SGCD: variants seen among roughly 807,000 people sequenced by gnomAD.
SGCD encodes delta-sarcoglycan.
In SGCD, 18 loss-of-function variants were observed where a neutral mutation model predicts 36.6. The observed-to-expected ratio is 0.49, with a 90% CI of 0.34 to 0.73. SGCD has a LOEUF of 0.73. Ranked by LOEUF, SGCD falls within the 30% of genes least tolerant of loss-of-function variation. The pLI, the probability that SGCD is intolerant of heterozygous loss-of-function variation, is 0.01. For missense variants in SGCD, 387 were observed against 346.7 expected (o/e 1.12, Z -0.92); for synonymous variants, 133 against 130.6 (o/e 1.02, Z -0.12).
At chr5:155,784,195 C>T in the SGCD span, among the ~76,000 whole-genome samples, 3 of 152,168 alleles carry the variant, frequency 2.0e-5, no homozygotes, top group East Asian at 5.8e-4. Context: ...TTGAGGGTTA[C>T]AGTGTTTTCA....
intron 1 of SGCD, among the ~76,000 whole-genome samples, chr5:156,000,131 G>T (rs1758634700): frequency 6.6e-6 from 1 of 152,194 alleles, no homozygotes; most frequent in Non-Finnish European, 1.5e-5. Context: ...GGCCTTGTGA[G>T]TCCATGTGTG....
Position 156,220,200 on chromosome 5 carries a change from G to A in SGCD, c.-44+96181G>A, listed in dbSNP as rs1448786014. On this transcript the variant is annotated intron_variant, in intron 3 of 9. Coordinates refer to the SGCD transcript ENST00000517913. Reference sequence around the variant, plus strand: ...TTTTGTTTGTTATTTGTTTTGCAAAGTGCTACCTTTATTAATATGTATTTC... The same window carrying A: ...TTTTGTTTGTTATTTGTTTTGCAAAATGCTACCTTTATTAATATGTATTTC... Among the ~76,000 whole-genome samples the A allele has an allele frequency of 2.0e-5, 3 of 152,246 alleles. No homozygotes were observed. In the East Asian group the frequency reaches 5.8e-4, roughly 29 times the overall value.
intron 7 of SGCD, among the ~76,000 whole-genome samples, chr5:156,701,351 TTCCATCTTGAA>T (rs1478846826): frequency 6.6e-6 from 1 of 152,218 alleles, no homozygotes; most frequent in African/African-American, 2.4e-5. Context: ...ATCCTGTTAT[TTCCATCTTGAA>T]AATAATATCC....
At chr5:156,512,168 T>C (rs1178164786) in intron 4 of SGCD, among the ~76,000 whole-genome samples, 1 of 126,544 alleles carries the variant, frequency 7.9e-6, no homozygotes, top group African/African-American at 3.1e-5. Flanking sequence ...CACTCTAGCC[T>C]GGATGACAGT....
At chr5:156,747,709 A>G (rs1045536867) in intron 7 of SGCD, among the ~76,000 whole-genome samples, 5 of 152,068 alleles carry the variant, frequency 3.3e-5, no homozygotes, top group African/African-American at 1.2e-4. Flanking sequence ...TATCCCACTA[A>G]TTTTGCCATA....
intron 1 of SGCD, among the ~76,000 whole-genome samples, chr5:155,931,264 T>G (rs1002078679): frequency 6.6e-6 from 1 of 152,168 alleles, no homozygotes; most frequent in Non-Finnish European, 1.5e-5. Context: ...TTATATGCCT[T>G]TATATTCTGA....
At chr5:156,262,226 C>G (rs761136029) in intron 3 of SGCD, among the ~76,000 whole-genome samples, 1 of 152,090 alleles carries the variant, frequency 6.6e-6, no homozygotes, top group South Asian at 2.1e-4. Context: ...ATGGGAAGTG[C>G]CCTGTACAGC....
intron 1 of SGCD, among the ~76,000 whole-genome samples, chr5:155,926,925 A>C (rs1757006972): frequency 6.6e-6 from 1 of 152,200 alleles, no homozygotes; most frequent in South Asian, 2.1e-4. Flanking sequence ...GTACCTTGGC[A>C]ATGTCCAGAG....
At chr5:156,493,110 C>A (rs1447698103) in intron 3 of SGCD, among the ~76,000 whole-genome samples, 2 of 152,116 alleles carry the variant, frequency 1.3e-5, no homozygotes, top group Non-Finnish European at 2.9e-5. Flanking sequence ...AATGGTATTT[C>A]TGGTTCTAGA....
chr5:156,223,746 G>A (rs965378238), intron 3 of SGCD, among the ~76,000 whole-genome samples: 2 of 151,958 alleles, frequency 1.3e-5, no homozygotes, highest in Admixed American at 1.3e-4. Flanking sequence ...TGCAGAGGGG[G>A]GATAGAAGTG....
At chr5:156,038,427 G>A (rs1192723762) in intron 1 of SGCD, among the ~76,000 whole-genome samples, 1 of 152,092 alleles carries the variant, frequency 6.6e-6, no homozygotes, top group Admixed American at 6.5e-5. Context: ...CTATAATGTA[G>A]TGAATAGTAT....
chr5:155,759,013 TA>T, the SGCD span, among the ~76,000 whole-genome samples: 10,079 of 152,084 alleles, frequency 0.066, 836 homozygotes, highest in African/African-American at 0.19. Context: ...TTTTTATTTT[TA>T]TTTTTTTTTT....
intron 1 of SGCD, among the ~76,000 whole-genome samples, chr5:156,108,397 A>G (rs1367403342): frequency 6.6e-6 from 1 of 152,088 alleles, no homozygotes; most frequent in Non-Finnish European, 1.5e-5. Flanking sequence ...CAAGCTATTC[A>G]ATGTATGAGC....
intron 1 of SGCD, among the ~76,000 whole-genome samples, chr5:156,116,823 G>A (rs562740782): frequency 7.2e-5 from 11 of 152,222 alleles, no homozygotes; most frequent in African/African-American, 2.6e-4. Flanking sequence ...AACAGTGCTG[G>A]CACATACAAG....
chr5:156,394,253 T>G (rs1771736538), intron 3 of SGCD, among the ~76,000 whole-genome samples: 1 of 152,176 alleles, frequency 6.6e-6, no homozygotes, highest in Admixed American at 6.6e-5. Flanking sequence ...AAGATCAGAT[T>G]GTGATAAGCA....
intron 4 of SGCD, among the ~76,000 whole-genome samples, chr5:156,520,699 A>G (rs562220304): frequency 1.3e-5 from 2 of 152,062 alleles, no homozygotes; most frequent in African/African-American, 2.4e-5. Flanking sequence ...ACATAGACCA[A>G]TGGAACAGAA....
intron 3 of SGCD, among the ~76,000 whole-genome samples, chr5:156,292,132 T>A (rs1164697111): frequency 6.6e-6 from 1 of 152,118 alleles, no homozygotes; most frequent in Non-Finnish European, 1.5e-5. Context: ...TAACATCAGG[T>A]CCTCCAGTTT....
intron 4 of SGCD, among the ~76,000 whole-genome samples, chr5:156,582,850 CAGT>C (rs1760333922): frequency 6.6e-6 from 1 of 152,202 alleles, no homozygotes; most frequent in South Asian, 2.1e-4. Context: ...CAAACACACA[CAGT>C]AGGAGAACCA....
At chr5:156,600,228 C>T (rs1761134893) in intron 6 of SGCD, among the ~76,000 whole-genome samples, 1 of 152,108 alleles carries the variant, frequency 6.6e-6, no homozygotes, top group Non-Finnish European at 1.5e-5. Context: ...ACTGTAGTCA[C>T]CCTCCTGCAC....
Sources: allele counts gnomAD v4.1 joint callset (sites outside exome capture counted in the v4.1 genomes callset), GRCh38; gene constraint gnomAD v4.1.1; transcripts MANE v1.5; gene names NCBI Gene and HGNC (gene_info 2026-07-23, HGNC 2026-07-21).